The following DYDC2 variants were observed in gnomAD, a reference collection of about 807,000 sequenced individuals.
DYDC2 encodes DPY30 domain containing 2.
In DYDC2, 19 loss-of-function variants were observed where a neutral mutation model predicts 18.7. The ratio of observed to expected loss-of-function variants is 1.02; its 90% CI spans 0.71 to 1.49. The LOEUF (loss-of-function observed/expected upper bound fraction) is 1.49. Ranked by LOEUF, DYDC2 falls within the 40% of genes most tolerant of loss-of-function variation. The pLI is 0.00. For missense variants in DYDC2, 179 were observed against 205.1 expected (o/e 0.87, Z 0.78); for synonymous variants, 63 against 67.6 (o/e 0.93, Z 0.34).
intron 4 of DYDC2, among the ~76,000 whole-genome samples, chr10:80,366,284 G>T (rs939566197): frequency 6.6e-6 from 1 of 152,048 alleles, no homozygotes; most frequent in Admixed American, 6.6e-5. Flanking sequence ...ACCCACCTCG[G>T]CCTCCCAAAG....
intron 2 of DYDC2, among the ~76,000 whole-genome samples, chr10:80,361,339 C>T (rs1194672409): frequency 1.3e-5 from 2 of 152,108 alleles, no homozygotes; most frequent in African/African-American, 4.8e-5. Flanking sequence ...CACTTTGTTC[C>T]TTTGTTGGTG....
upstream of DYDC2, among the ~76,000 whole-genome samples, chr10:80,355,192 G>C (rs899056635): frequency 6.6e-6 from 1 of 151,840 alleles, no homozygotes; most frequent in East Asian, 2.0e-4. Context: ...GGCAATTACA[G>C]GGGATAGAAT....
At chr10:80,357,296 C>A (rs942844770) in intron 1 of DYDC2, among the ~76,000 whole-genome samples, 8 of 150,170 alleles carry the variant, frequency 5.3e-5, no homozygotes, top group African/African-American at 2.0e-4. Flanking sequence ...AGCGGGCACG[C>A]GGGACGGGCG....
At chr10:80,348,974 C>T (rs1422135177) in intron 1 of DYDC2, among the ~76,000 whole-genome samples, 1 of 152,182 alleles carries the variant, frequency 6.6e-6, no homozygotes, top group Non-Finnish European at 1.5e-5. Context: ...TCACTGCAAG[C>T]TCCGCCTCCT....
At chr10:80,358,358 A>G (rs925940540) in intron 2 of DYDC2, among the ~76,000 whole-genome samples, 1 of 152,042 alleles carries the variant, frequency 6.6e-6, no homozygotes, top group Non-Finnish European at 1.5e-5. Context: ...AGCCTGGGCG[A>G]CAGACCAAGG....
upstream of DYDC2, among the ~76,000 whole-genome samples, chr10:80,355,753 A>C (rs1246390554): frequency 6.6e-6 from 1 of 152,198 alleles, no homozygotes; most frequent in Non-Finnish European, 1.5e-5. Flanking sequence ...TGGGGAAAGG[A>C]ATGTGTATGT....
chr10:80,361,764 G>A lies in DYDC2; in HGVS notation c.-9-671G>A, dbSNP rs185019330. On this transcript the variant is annotated intron_variant, in intron 2 of 4. Coordinates refer to ENST00000256039, the MANE Select transcript of DYDC2 (RefSeq NM_032372.6). ...ACTGCCCCAGATTTGACTAGTAGGA[G>A]CCCCTTCAAGCTGGCTTCTCTGTCC... is the stretch of plus-strand genomic sequence containing the variant. 2.0e-5 allele frequency among the ~76,000 whole-genome samples: 3 copies of A among 152,234 alleles called. No homozygotes were observed. The East Asian group carries it at 5.8e-4, about 29-fold the overall frequency.
intron 1 of DYDC2, among the ~76,000 whole-genome samples, chr10:80,347,074 T>C (rs1294337252): frequency 6.7e-6 from 1 of 149,606 alleles, no homozygotes; most frequent in Admixed American, 6.6e-5. Context: ...AGCGAGACTC[T>C]GTGTCCGAAA....
chr10:80,352,187 T>A (rs753647822), upstream of DYDC2, among the ~76,000 whole-genome samples: 8 of 152,208 alleles, frequency 5.3e-5, no homozygotes. Flanking sequence ...AATATTAAAG[T>A]TATACATTGT....
upstream of DYDC2, among the ~76,000 whole-genome samples, chr10:80,355,349 T>C (rs751829942): frequency 7.9e-5 from 12 of 151,962 alleles, no homozygotes; most frequent in Non-Finnish European, 1.8e-4. Flanking sequence ...TGAAATTTTA[T>C]GCCATAACTA....
chr10:80,347,380 A>C (rs1322419601), intron 1 of DYDC2, among the ~76,000 whole-genome samples: 1 of 141,620 alleles, frequency 7.1e-6, no homozygotes, highest in Non-Finnish European at 1.5e-5. Context: ...ATGGTTCACA[A>C]ATATCTTCTC....
At chr10:80,346,642 A>G (rs545429850) in intron 1 of DYDC2, among the ~76,000 whole-genome samples, 10 of 150,184 alleles carry the variant, frequency 6.7e-5, no homozygotes, top group African/African-American at 2.4e-4. Context: ...TTGTATTTTT[A>G]GTAGAGACGG....
Position 80,362,542 on chromosome 10 carries a change from G to A in DYDC2, c.99G>A (p.Leu33=). The change falls in exon 3 of 5, where the codon CTG becomes CTA. Residue 33 remains leucine, a synonymous_variant. Transcript: ENST00000256039. ...GGCCCAGTGACCCAATAGAATACCT[G>A]GCTCACTGGCTTTATCATTACAGGA... ...KVRPSDPIEY[L]AHWLYHYRKT... The A allele has an allele frequency of 1.9e-6, 3 of 1,613,806 alleles. No homozygotes were observed. Among genetic ancestry groups the A allele is most frequent in the Non-Finnish European group, 2.5e-6 (3 of 1,179,832 alleles).
At chr10:80,348,051 G>C (rs990274537) in intron 1 of DYDC2, among the ~76,000 whole-genome samples, 1 of 152,138 alleles carries the variant, frequency 6.6e-6, no homozygotes, top group East Asian at 1.9e-4. Flanking sequence ...AGGTAGTATA[G>C]ACATTTTAAC....
At chr10:80,356,137 T>C (rs1843354488), upstream of DYDC2, 2 of 624,684 alleles carry the variant, frequency 3.2e-6, no homozygotes, top group South Asian at 1.4e-4. Flanking sequence ...CTCGGATTTC[T>C]GGGCATATCA....
At chr10:80,359,080 G>A (rs1161777373) in intron 2 of DYDC2, among the ~76,000 whole-genome samples, 3 of 152,278 alleles carry the variant, frequency 2.0e-5, no homozygotes, top group African/African-American at 7.2e-5. Context: ...GGCTCAGGCA[G>A]CCTGCTTTTA....
At chr10:80,347,577 C>A (rs1842746621) in intron 1 of DYDC2, among the ~76,000 whole-genome samples, 1 of 152,104 alleles carries the variant, frequency 6.6e-6, no homozygotes, top group Non-Finnish European at 1.5e-5. Flanking sequence ...GGGAGTTTTA[C>A]AGTTTCAGGT....
At chr10:80,355,236 C>G (rs911820866), upstream of DYDC2, among the ~76,000 whole-genome samples, 1 of 151,886 alleles carries the variant, frequency 6.6e-6, no homozygotes, top group African/African-American at 2.4e-5. Flanking sequence ...TGGACAAATG[C>G]ATCTAGCATT....
chr10:80,366,635 T>TG, intron 4 of DYDC2, 53 bp from the exon 5 acceptor site: 1 of 1,537,934 alleles, frequency 6.5e-7, no homozygotes, highest in Non-Finnish European at 8.7e-7. Flanking sequence ...CCATACATCT[T>TG]GTGTGCTTTA....
Sources: allele counts gnomAD v4.1 joint callset (sites outside exome capture counted in the v4.1 genomes callset), GRCh38; gene constraint gnomAD v4.1.1; transcripts MANE v1.5; gene names NCBI Gene and HGNC (gene_info 2026-07-23, HGNC 2026-07-21).